Variants in CAMTA1 observed in about 807,000 individuals in gnomAD.
CAMTA1 encodes the protein calmodulin-binding transcription activator 1.
CAMTA1 carries 27 observed loss-of-function variants against 170.9 expected under a neutral mutation model. That is an observed-to-expected ratio of 0.16 (90% CI 0.12 to 0.22). The LOEUF (loss-of-function observed/expected upper bound fraction) is 0.22, where lower values mean the gene tolerates loss of function less well. Among genes scored for constraint, CAMTA1 ranks in the 10% least tolerant of loss-of-function variants. The probability of loss-of-function intolerance (pLI) is 1.00; values close to 1 mark genes in which losing one functional copy is unlikely to be tolerated. For missense variants in CAMTA1, 1,619 were observed against 2,217.2 expected (o/e 0.73, Z 5.42); for synonymous variants, 833 against 891.5 (o/e 0.93, Z 1.17).
intron 4 of CAMTA1, among the ~76,000 whole-genome samples, chr1:7,157,385 CA>C (rs57716736): frequency 2.8e-5 from 4 of 141,766 alleles, no homozygotes; most frequent in Admixed American, 7.2e-5. Flanking sequence ...AAACAAAAAA[CA>C]AAAAAAAATT....
At chr1:7,125,241 G>A (rs928997876) in intron 4 of CAMTA1, among the ~76,000 whole-genome samples, 2 of 152,110 alleles carry the variant, frequency 1.3e-5, no homozygotes, top group African/African-American at 4.8e-5. Flanking sequence ...CTCCACGTCA[G>A]CCTGGGGGAC....
At chr1:7,294,502 T>C (rs1377884264) in intron 5 of CAMTA1, among the ~76,000 whole-genome samples, 1 of 152,182 alleles carries the variant, frequency 6.6e-6, no homozygotes, top group African/African-American at 2.4e-5. Flanking sequence ...GCCAGCATCC[T>C]GCTTGCTCAT....
intron 5 of CAMTA1, among the ~76,000 whole-genome samples, chr1:7,355,963 C>G (rs2085081925): frequency 6.6e-6 from 1 of 152,246 alleles, no homozygotes; most frequent in East Asian, 1.9e-4. Flanking sequence ...CTTCTTTGCT[C>G]TCAGGAAGAT....
intron 4 of CAMTA1, among the ~76,000 whole-genome samples, chr1:7,177,780 C>T (rs75983946): frequency 0.18 from 27,738 of 150,832 alleles, 2,855 homozygotes; most frequent in Non-Finnish European, 0.21. Context: ...CACGCCAAGG[C>T]TCCTCCCTAC....
chr1:7,021,157 G>A (rs1250472062), intron 3 of CAMTA1, among the ~76,000 whole-genome samples: 1 of 152,244 alleles, frequency 6.6e-6, no homozygotes, highest in African/African-American at 2.4e-5. Context: ...GGGCAATCAA[G>A]CCCTTGCCAA....
At chr1:7,295,092 T>C (rs531245272) in intron 5 of CAMTA1, among the ~76,000 whole-genome samples, 2 of 152,368 alleles carry the variant, frequency 1.3e-5, no homozygotes, top group South Asian at 4.1e-4. Context: ...GTTCAAATAC[T>C]GACTCCACCT....
chr1:7,476,362 G>A (rs1388698463), intron 6 of CAMTA1, among the ~76,000 whole-genome samples: 1 of 152,196 alleles, frequency 6.6e-6, no homozygotes, highest in Non-Finnish European at 1.5e-5. Flanking sequence ...TCAAGACGGT[G>A]GATCCAGAGA....
In CAMTA1 at chr1:7,680,366, A is replaced by C. The variant is rs1436057419; in HGVS notation, c.2914+2633A>C. Among the ~76,000 whole-genome samples the C allele has an allele frequency of 6.6e-6, 1 of 151,376 alleles. No individual in the cohort carries two copies. Among genetic ancestry groups the C allele is most frequent in the Non-Finnish European group, 1.5e-5 (1 of 67,842 alleles). ...GAGACGGGTTCGCCGCGGAGAGGGG[A>C]GGAGGGCTGGGGAAGGGGTGGGCGC... On this transcript the variant is annotated intron_variant, in intron 11 of 22. Coordinates refer to ENST00000303635, the MANE Select transcript of CAMTA1 (RefSeq NM_015215.4). The surrounding 1 kb of genome is among the most constrained non-coding windows in gnomAD (Gnocchi z 4.4).
chr1:6,857,697 T>C (rs77387377), intron 3 of CAMTA1, among the ~76,000 whole-genome samples: 2,601 of 152,314 alleles, frequency 0.017, 35 homozygotes, highest in South Asian at 0.033. Flanking sequence ...AATATTTGAA[T>C]GTCTGTATGA....
chr1:7,175,830 A>G (rs2148853682), intron 4 of CAMTA1, among the ~76,000 whole-genome samples: 1 of 152,366 alleles, frequency 6.6e-6, no homozygotes, highest in South Asian at 2.1e-4. Flanking sequence ...TCCTGGACTG[A>G]CAGGCTTTGC....
chr1:7,022,386 A>G (rs1055852722), intron 3 of CAMTA1, among the ~76,000 whole-genome samples: 1 of 152,116 alleles, frequency 6.6e-6, no homozygotes, highest in Non-Finnish European at 1.5e-5. Flanking sequence ...TGGGTGGGCC[A>G]GTGGTAGGGG....
intron 5 of CAMTA1, among the ~76,000 whole-genome samples, chr1:7,418,675 G>A (rs2091357110): frequency 1.3e-5 from 2 of 152,106 alleles, no homozygotes; most frequent in Non-Finnish European, 2.9e-5. Context: ...CAAATATCAG[G>A]AGCCCAAAGC....
At chr1:7,411,071 C>T (rs1205428478) in intron 5 of CAMTA1, among the ~76,000 whole-genome samples, 1 of 152,084 alleles carries the variant, frequency 6.6e-6, no homozygotes, top group Non-Finnish European at 1.5e-5. Context: ...AGCAAATAGA[C>T]TCCATAATAT....
chr1:7,448,991 A>G (rs1482822123), intron 5 of CAMTA1, among the ~76,000 whole-genome samples: 2 of 152,248 alleles, frequency 1.3e-5, no homozygotes, highest in East Asian at 1.9e-4. Flanking sequence ...AATGTTTCCC[A>G]AAACAAACAA....
chr1:7,489,723 G>T (rs1299554281), intron 6 of CAMTA1, among the ~76,000 whole-genome samples: 1 of 152,198 alleles, frequency 6.6e-6, no homozygotes, highest in Non-Finnish European at 1.5e-5. Flanking sequence ...CCCTCCTGAG[G>T]CTGTAGTGGT....
chr1:7,328,582 G>A (rs935210246), intron 5 of CAMTA1, among the ~76,000 whole-genome samples: 2 of 152,238 alleles, frequency 1.3e-5, no homozygotes, highest in South Asian at 2.1e-4. Context: ...CTTGAAGTCA[G>A]ATCATTTGTA....
chr1:6,962,925 G>A (rs1380051380), intron 3 of CAMTA1, among the ~76,000 whole-genome samples: 2 of 146,980 alleles, frequency 1.4e-5, no homozygotes, highest in East Asian at 4.2e-4. Flanking sequence ...GAGCTCCTCT[G>A]GACCCACCCC....
chr1:7,631,301 A>C (rs941727777), intron 6 of CAMTA1, among the ~76,000 whole-genome samples: 3 of 152,166 alleles, frequency 2.0e-5, no homozygotes, highest in East Asian at 3.9e-4. Flanking sequence ...CGGGGCACTG[A>C]GGCTGAGTGC....
rs1327463924 is a variant in CAMTA1 at position 7,435,242 on chromosome 1, C to T, written c.439-32588C>T. On this transcript the variant is annotated intron_variant, in intron 5 of 22. Coordinates refer to ENST00000303635, the MANE Select transcript of CAMTA1 (RefSeq NM_015215.4). This position sits in a 1 kb window ranked among gnomAD's most constrained non-coding sequence, Gnocchi z 4.4. ...TTTTGGAGGGGGTGCATTCAAACCA[C>T]AGCAGTTTGCCTAGACCTGCTGAGC... Among the ~76,000 whole-genome samples, 4 of 152,160 alleles carry T rather than the reference C, an allele frequency of 2.6e-5. No individual in the cohort carries two copies. Among genetic ancestry groups the T allele is most frequent in the Non-Finnish European group, 5.9e-5 (4 of 68,032 alleles).
Sources: gnomAD v4.1 joint callset for allele counts (sites outside exome capture counted in the v4.1 genomes callset) on GRCh38, gnomAD v4.1.1 for gene constraint, Gnocchi (gnomAD v3.1) non-coding constraint, MANE v1.5 for transcripts, NCBI Gene and HGNC (gene_info 2026-07-23, HGNC 2026-07-21) for gene names.